The following RPH3A variants were observed in gnomAD, a reference collection of about 807,000 sequenced individuals.
RPH3A encodes the protein rabphilin-3A.
A neutral mutation model predicts 102.2 loss-of-function variants in RPH3A; 48 were observed. The ratio of observed to expected loss-of-function variants is 0.47; its 90% CI spans 0.37 to 0.60. The LOEUF (loss-of-function observed/expected upper bound fraction) is 0.60. Among genes scored for constraint, RPH3A ranks in the 20% least tolerant of loss-of-function variants. The probability of loss-of-function intolerance (pLI) is 0.00; values close to 1 mark genes in which losing one functional copy is unlikely to be tolerated. For synonymous variants in RPH3A, 310 were observed against 324.3 expected, an observed-to-expected ratio of 0.96 and a Z score of 0.47; for missense variants, 781 against 910.1, an observed-to-expected ratio of 0.86 and a Z score of 1.83.
At chr12:112,762,089 A>C (rs2040857970) in intron 1 of RPH3A, among the ~76,000 whole-genome samples, 1 of 152,224 alleles carries the variant, frequency 6.6e-6, no homozygotes, top group Non-Finnish European at 1.5e-5. Flanking sequence ...ATGCAAACAC[A>C]ATGCAGCGTC....
intron 1 of RPH3A, among the ~76,000 whole-genome samples, chr12:112,642,731 T>C (rs771035728): frequency 1.3e-5 from 2 of 152,170 alleles, no homozygotes; most frequent in African/African-American, 4.8e-5. Flanking sequence ...ATAATAATAA[T>C]AATAATCCAC....
chr12:112,662,031 G>A (rs185915899), intron 1 of RPH3A, among the ~76,000 whole-genome samples: 97 of 152,248 alleles, frequency 6.4e-4, no homozygotes, highest in African/African-American at 2.2e-3. Context: ...ACATAATTGC[G>A]TCAGAATCTC....
At chr12:112,883,469 T>A in intron 16 of RPH3A, 67 bp downstream of exon 16, 1 of 1,127,458 alleles carries the variant, frequency 8.9e-7, no homozygotes, top group Admixed American at 1.8e-5. Flanking sequence ...AACTGAGACT[T>A]GGGGTGAGGC....
intron 1 of RPH3A, among the ~76,000 whole-genome samples, chr12:112,717,465 A>G (rs1227889576): frequency 1.3e-5 from 2 of 152,046 alleles, no homozygotes; most frequent in Non-Finnish European, 2.9e-5. Context: ...AATTATATAT[A>G]CTTTCTGTGT....
At chr12:112,742,953 C>T (rs947820765) in intron 1 of RPH3A, among the ~76,000 whole-genome samples, 1 of 152,148 alleles carries the variant, frequency 6.6e-6, no homozygotes, top group South Asian at 2.1e-4. Context: ...CAGCTTCTAG[C>T]GGCTGCACAT....
chr12:112,853,627 G>A lies in RPH3A; in HGVS notation c.230+5785G>A, dbSNP rs142737142. ...GTGGATCACTTGAGGCAAGGAGTTT[G>A]AGACCAGCCTGGCCAACATGGTGAA... On this transcript the variant is annotated intron_variant, in intron 5 of 21. Coordinates refer to ENST00000389385, the MANE Select transcript of RPH3A (RefSeq NM_001143854.2). Among the ~76,000 whole-genome samples, 756 of 152,266 alleles carry A rather than the reference G, an allele frequency of 5.0e-3. 1 individual carries two copies. The highest frequency in any genetic ancestry group is 0.014 in the Middle Eastern group (4 of 294).
At chr12:112,847,930 T>C in intron 5 of RPH3A, 88 bp downstream of exon 5, 1 of 1,446,904 alleles carries the variant, frequency 6.9e-7, no homozygotes, top group Non-Finnish European at 9.4e-7. Flanking sequence ...TCAAACGGGG[T>C]GTGCTGGGCT....
intron 1 of RPH3A, among the ~76,000 whole-genome samples, chr12:112,712,904 C>CTTCTTCTTCTTCTTCTTCTTCTTCT: frequency 1.1e-5 from 1 of 92,570 alleles, no homozygotes; most frequent in East Asian, 3.3e-4. Context: ...CTTCTTCTTC[C>CTTCTTCTTCTTCTTCTTCTTCTTCT]TCTTCTTCTT....
intron 1 of RPH3A, among the ~76,000 whole-genome samples, chr12:112,582,114 A>G (rs1487678168): frequency 6.8e-6 from 1 of 147,798 alleles, no homozygotes; most frequent in Non-Finnish European, 1.5e-5. Context: ...CTTTGGGGCA[A>G]TTTTCTTTGT....
At chr12:112,727,390 C>CAAAAA in intron 1 of RPH3A, among the ~76,000 whole-genome samples, 1 of 119,082 alleles carries the variant, frequency 8.4e-6, no homozygotes, top group South Asian at 2.6e-4. Flanking sequence ...GACTCTGCCT[C>CAAAAA]AAAAAAAAAA....
At chr12:112,832,241 G>A (rs2041982346) in intron 3 of RPH3A, among the ~76,000 whole-genome samples, 1 of 152,042 alleles carries the variant, frequency 6.6e-6, no homozygotes, top group South Asian at 2.1e-4. Flanking sequence ...CTCTGTCTTA[G>A]AGCATATTAA....
chr12:112,769,997 T>G (rs1044943889), intron 1 of RPH3A, among the ~76,000 whole-genome samples: 17 of 152,244 alleles, frequency 1.1e-4, no homozygotes, highest in Admixed American at 4.6e-4. Context: ...CTTCAAAGAC[T>G]GTACAGATAC....
chr12:112,679,469 G>A (rs574471879), intron 1 of RPH3A, among the ~76,000 whole-genome samples: 25 of 147,844 alleles, frequency 1.7e-4, no homozygotes, highest in Non-Finnish European at 2.5e-4. Context: ...TCTGTCCCCC[G>A]GTCTGGAGTG....
Position 112,847,696 on chromosome 12 carries a change from G to A in RPH3A, c.84G>A (p.Gln28=). 1 of 1,613,424 alleles carries A rather than the reference G, an allele frequency of 6.2e-7. No individual in the cohort carries two copies. Among genetic ancestry groups the A allele is most frequent in the Non-Finnish European group, 8.5e-7 (1 of 1,179,768 alleles). The change falls in exon 5 of 22, where the codon CAG becomes CAA. Residue 28 remains glutamine, a splice_region_variant and synonymous_variant. Coordinates refer to ENST00000389385, the MANE Select transcript of RPH3A (RefSeq NM_001143854.2). ...CACACCTTCCCAAATTTCCTTTCAG[G>A]CTCCAGGCAGGCTGGTCCGTCCACC... The part of the protein sequence containing the change: ...DRPLQSNDKE[Q]LQAGWSVHPG...
At chr12:112,889,018 C>T (rs1196499494) in intron 17 of RPH3A, among the ~76,000 whole-genome samples, 1 of 152,236 alleles carries the variant, frequency 6.6e-6, no homozygotes, top group African/African-American at 2.4e-5. Context: ...TGCCTGCTCT[C>T]CACAGGGAAG....
intron 1 of RPH3A, among the ~76,000 whole-genome samples, chr12:112,659,587 G>A (rs1316531468): frequency 6.6e-6 from 1 of 152,172 alleles, no homozygotes; most frequent in Non-Finnish European, 1.5e-5. Flanking sequence ...GTATCTGCCA[G>A]GCTTCTACAA....
At chr12:112,876,948 A>T (rs1219810409) in intron 13 of RPH3A, 82 bp downstream of exon 13, 1 of 1,008,018 alleles carries the variant, frequency 9.9e-7, no homozygotes, top group East Asian at 2.6e-5. Flanking sequence ...GCTCAGGAAC[A>T]GCCCTGTCTA....
chr12:112,853,308 T>C (rs1470065859), intron 5 of RPH3A, among the ~76,000 whole-genome samples: 3 of 152,210 alleles, frequency 2.0e-5, no homozygotes, highest in African/African-American at 7.2e-5. Context: ...CAACATTCTA[T>C]GGATGGGAGT....
intron 1 of RPH3A, among the ~76,000 whole-genome samples, chr12:112,774,201 G>A (rs1231836281): frequency 1.6e-4 from 24 of 151,936 alleles, no homozygotes; most frequent in Middle Eastern, 3.4e-3. Flanking sequence ...TATATAGAGA[G>A]GTATATCTAT....
Sources: allele counts gnomAD v4.1 joint callset (sites outside exome capture counted in the v4.1 genomes callset), GRCh38; gene constraint gnomAD v4.1.1; transcripts MANE v1.5; gene names NCBI Gene and HGNC (gene_info 2026-07-23, HGNC 2026-07-21).